MGLL: variants seen among roughly 807,000 people sequenced by gnomAD.
MGLL encodes monoglyceride lipase, also known as lysophospholipase homolog.
A neutral mutation model predicts 29.1 loss-of-function variants in MGLL; 7 were observed. That is an observed-to-expected ratio of 0.24 (90% CI 0.14 to 0.45). The LOEUF (loss-of-function observed/expected upper bound fraction) is 0.45, where lower values mean the gene tolerates loss of function less well. Ranked by LOEUF, MGLL falls within the 20% of genes least tolerant of loss-of-function variation. The pLI, the probability that MGLL is intolerant of heterozygous loss-of-function variation, is 0.99. For synonymous variants in MGLL, 148 were observed against 168.3 expected (o/e 0.88, Z 0.93); for missense variants, 356 against 413.6 (o/e 0.86, Z 1.21).
chr3:127,759,381 C>T (rs2107679960), intron 3 of MGLL, among the ~76,000 whole-genome samples: 1 of 152,306 alleles, frequency 6.6e-6, no homozygotes, highest in South Asian at 2.1e-4. Flanking sequence ...TGTCCTTACC[C>T]CTCCCTTGGT....
chr3:127,701,118 G>C (rs2075472269), intron 6 of MGLL, among the ~76,000 whole-genome samples: 1 of 148,640 alleles, frequency 6.7e-6, no homozygotes, highest in African/African-American at 2.5e-5. Context: ...CGGGGGCTGA[G>C]GTGGGAGGAT....
intron 3 of MGLL, among the ~76,000 whole-genome samples, chr3:127,781,012 T>C (rs1211624234): frequency 2.0e-5 from 3 of 152,234 alleles, no homozygotes; most frequent in Non-Finnish European, 4.4e-5. Flanking sequence ...ACAATGAACA[T>C]TGGATTTTGA....
intron 3 of MGLL, among the ~76,000 whole-genome samples, chr3:127,769,774 T>C (rs2076919047): frequency 6.6e-6 from 1 of 152,236 alleles, no homozygotes; most frequent in South Asian, 2.1e-4. Context: ...AATAAATACT[T>C]GCTGAGTGGA....
intron 3 of MGLL, among the ~76,000 whole-genome samples, chr3:127,733,101 C>T (rs1021627394): frequency 3.9e-5 from 6 of 152,138 alleles, no homozygotes; most frequent in Admixed American, 2.6e-4. Context: ...AGATACAGGC[C>T]ATAAAGACCT....
At chr3:127,812,470 A>G (rs780144210) in intron 2 of MGLL, among the ~76,000 whole-genome samples, 8 of 152,226 alleles carry the variant, frequency 5.3e-5, no homozygotes, top group African/African-American at 7.2e-5. Flanking sequence ...AAGTTAAGAA[A>G]AAAAAGGTGA....
At chr3:127,801,175 G>A (rs1271042447) in intron 2 of MGLL, among the ~76,000 whole-genome samples, 2 of 151,696 alleles carry the variant, frequency 1.3e-5, no homozygotes, top group African/African-American at 4.8e-5. Context: ...GATGGCAAGC[G>A]CCTGTAATCC....
At chr3:127,699,031 T>G (rs2107587497) in intron 6 of MGLL, among the ~76,000 whole-genome samples, 1 of 152,378 alleles carries the variant, frequency 6.6e-6, no homozygotes, top group African/African-American at 2.4e-5. Context: ...CCCCACTGGC[T>G]GAGAGTTGAA....
chr3:127,750,166 G>A (rs2076531119), intron 3 of MGLL, among the ~76,000 whole-genome samples: 5 of 152,160 alleles, frequency 3.3e-5, no homozygotes. Flanking sequence ...GGGGGTGAGG[G>A]TAGAGGCTCC....
chr3:127,777,528 G>C (rs2077055710), intron 3 of MGLL, among the ~76,000 whole-genome samples: 1 of 152,250 alleles, frequency 6.6e-6, no homozygotes, highest in Non-Finnish European at 1.5e-5. Context: ...TTGCCTTCCT[G>C]ATAGGAGCCC....
chr3:127,781,175 A>G (rs2077117410), intron 3 of MGLL, among the ~76,000 whole-genome samples: 1 of 152,056 alleles, frequency 6.6e-6, no homozygotes, highest in Admixed American at 6.6e-5. Context: ...GTAGGTGCAC[A>G]TGTGTATGTA....
chr3:127,733,796 C>T (rs973946545), intron 3 of MGLL, among the ~76,000 whole-genome samples: 1 of 152,240 alleles, frequency 6.6e-6, no homozygotes, highest in Admixed American at 6.5e-5. Flanking sequence ...GGACCCTATG[C>T]AGCCATCGCT....
At chr3:127,800,946 TAA>T (rs1197558339) in intron 2 of MGLL, among the ~76,000 whole-genome samples, 2 of 152,200 alleles carry the variant, frequency 1.3e-5, no homozygotes, top group Non-Finnish European at 2.9e-5. Flanking sequence ...AAGCTGCTGA[TAA>T]ATTTAGAAGT....
At chr3:127,802,611 G>A (rs1352083799) in intron 2 of MGLL, among the ~76,000 whole-genome samples, 1 of 152,218 alleles carries the variant, frequency 6.6e-6, no homozygotes, top group Non-Finnish European at 1.5e-5. Flanking sequence ...CAAGCTCCAG[G>A]AGTGATTTAT....
chr3:127,788,694 A>G (rs968374937), intron 2 of MGLL, among the ~76,000 whole-genome samples: 5 of 152,072 alleles, frequency 3.3e-5, no homozygotes, highest in Non-Finnish European at 7.4e-5. Flanking sequence ...CGCTTCCCCA[A>G]CACTGAGGTA....
chr3:127,778,161 T>A (rs956311636), intron 3 of MGLL, among the ~76,000 whole-genome samples: 1 of 152,234 alleles, frequency 6.6e-6, no homozygotes, highest in Non-Finnish European at 1.5e-5. Context: ...TAGCATCAGA[T>A]TTACAGAAGC....
At chr3:127,716,492 C>A (rs925973582) in intron 5 of MGLL, among the ~76,000 whole-genome samples, 2 of 152,254 alleles carry the variant, frequency 1.3e-5, no homozygotes, top group African/African-American at 4.8e-5. Context: ...AGCTTTGCAA[C>A]AAATGACACA....
chr3:127,745,641 A>G (rs1304583980), intron 3 of MGLL, among the ~76,000 whole-genome samples: 1 of 152,204 alleles, frequency 6.6e-6, no homozygotes, highest in African/African-American at 2.4e-5. Context: ...CCACCACGCA[A>G]TATATCCATG....
intron 6 of MGLL, among the ~76,000 whole-genome samples, chr3:127,708,857 C>T (rs1175745345): frequency 6.6e-6 from 1 of 152,248 alleles, no homozygotes; most frequent in Non-Finnish European, 1.5e-5. Context: ...TGGCCATGGC[C>T]ATGGGCTGCG....
At chr3:127,741,124 C>T (rs1014467681) in intron 3 of MGLL, among the ~76,000 whole-genome samples, 1 of 152,236 alleles carries the variant, frequency 6.6e-6, no homozygotes, top group African/African-American at 2.4e-5. Context: ...CAAAGAGAGA[C>T]AGGACAACTA....
Sources: allele counts gnomAD v4.1 joint callset (sites outside exome capture counted in the v4.1 genomes callset), GRCh38; gene constraint gnomAD v4.1.1; transcripts MANE v1.5; gene names NCBI Gene and HGNC (gene_info 2026-07-23, HGNC 2026-07-21).